TAOK3: variants seen among roughly 807,000 people sequenced by gnomAD.
TAOK3 encodes TAO kinase 3.
In TAOK3, 40 loss-of-function variants were observed where a neutral mutation model predicts 120.4. The observed-to-expected ratio is 0.33, with a 90% confidence interval of 0.26 to 0.43. The LOEUF (loss-of-function observed/expected upper bound fraction) is 0.43, where lower values mean the gene tolerates loss of function less well. Among genes scored for constraint, TAOK3 ranks in the 20% least tolerant of loss-of-function variants. The probability of loss-of-function intolerance (pLI) is 1.00; values close to 1 mark genes in which losing one functional copy is unlikely to be tolerated. For synonymous variants in TAOK3, 355 were observed against 387.5 expected (o/e 0.92, Z 0.99); for missense variants, 821 against 1,112.1 (o/e 0.74, Z 3.72).
At chr12:118,259,282 A>T (rs1370398382) in intron 2 of TAOK3, among the ~76,000 whole-genome samples, 3 of 152,192 alleles carry the variant, frequency 2.0e-5, no homozygotes, top group Admixed American at 2.0e-4. Flanking sequence ...ACGGTGACTC[A>T]TGTCTGTAAT....
chr12:118,368,514 A>C (rs2045806411), intron 1 of TAOK3, among the ~76,000 whole-genome samples: 2 of 139,528 alleles, frequency 1.4e-5, no homozygotes, highest in Non-Finnish European at 3.1e-5. Context: ...TTTTTTTTTA[A>C]CAGAAAATAG....
intron 1 of TAOK3, among the ~76,000 whole-genome samples, chr12:118,332,831 G>A (rs889963422): frequency 2.6e-5 from 4 of 152,110 alleles, no homozygotes; most frequent in African/African-American, 9.7e-5. Flanking sequence ...AGATACTCGA[G>A]TAGCTATATT....
intron 1 of TAOK3, among the ~76,000 whole-genome samples, chr12:118,353,143 T>C (rs1221453643): frequency 3.9e-5 from 6 of 152,176 alleles, no homozygotes; most frequent in Non-Finnish European, 8.8e-5. Flanking sequence ...TTCAAAATGT[T>C]TACATTAGTG....
At chr12:118,345,108 C>A (rs1338189376) in intron 1 of TAOK3, among the ~76,000 whole-genome samples, 5 of 152,142 alleles carry the variant, frequency 3.3e-5, no homozygotes, top group Non-Finnish European at 1.5e-5. Flanking sequence ...TTTCTGGAAG[C>A]AGCTTCCACT....
intron 1 of TAOK3, among the ~76,000 whole-genome samples, chr12:118,273,005 TC>T (rs1469665503): frequency 6.6e-6 from 1 of 152,052 alleles, no homozygotes; most frequent in Non-Finnish European, 1.5e-5. Flanking sequence ...CTTCTGATTT[TC>T]CATTACAGAA....
At chr12:118,301,972 CA>C (rs2042898920) in intron 1 of TAOK3, among the ~76,000 whole-genome samples, 1 of 151,996 alleles carries the variant, frequency 6.6e-6, no homozygotes, top group Non-Finnish European at 1.5e-5. Context: ...TTAACTTTTG[CA>C]GAGTTGCATT....
intron 1 of TAOK3, among the ~76,000 whole-genome samples, chr12:118,286,997 C>G (rs1339628247): frequency 1.3e-5 from 2 of 152,076 alleles, no homozygotes; most frequent in Non-Finnish European, 2.9e-5. Flanking sequence ...TGTTCTCACT[C>G]ATAAGTGGGA....
chr12:118,263,791 C>T (rs2041330263), intron 2 of TAOK3, among the ~76,000 whole-genome samples: 1 of 152,130 alleles, frequency 6.6e-6, no homozygotes. Flanking sequence ...AGAGGCCGGG[C>T]ACGGTGGCTC....
intron 2 of TAOK3, among the ~76,000 whole-genome samples, chr12:118,263,436 AATTTCTT>A (rs1457225180): frequency 6.6e-6 from 1 of 152,212 alleles, no homozygotes; most frequent in Non-Finnish European, 1.5e-5. Flanking sequence ...GTTAGTTAAA[AATTTCTT>A]AGTTAATAAC....
chr12:118,170,725 T>C (rs2138633267), intron 17 of TAOK3, among the ~76,000 whole-genome samples: 1 of 152,304 alleles, frequency 6.6e-6, no homozygotes, highest in African/African-American at 2.4e-5. Context: ...GTTGCGCCAC[T>C]GTACTCCAGC....
chr12:118,291,686 T>C (rs2042487968), intron 1 of TAOK3, among the ~76,000 whole-genome samples: 1 of 152,216 alleles, frequency 6.6e-6, no homozygotes, highest in African/African-American at 2.4e-5. Flanking sequence ...ATAATCTGTT[T>C]TAATGGACGT....
At chr12:118,196,061 A>ATAAG in intron 13 of TAOK3, among the ~76,000 whole-genome samples, 1 of 149,146 alleles carries the variant, frequency 6.7e-6, no homozygotes, top group East Asian at 2.0e-4. Context: ...AAATAAATAA[A>ATAAG]TAAATAAATA....
intron 1 of TAOK3, among the ~76,000 whole-genome samples, chr12:118,280,375 G>A (rs2042057926): frequency 6.6e-6 from 1 of 152,054 alleles, no homozygotes; most frequent in Admixed American, 6.6e-5. Context: ...TTTTGTATAT[G>A]GTGTAAAGAA....
intron 1 of TAOK3, among the ~76,000 whole-genome samples, chr12:118,319,260 C>T (rs2043599977): frequency 6.6e-6 from 1 of 151,974 alleles, no homozygotes; most frequent in South Asian, 2.1e-4. Context: ...CAAAAAACCC[C>T]TCAACAATAA....
intron 13 of TAOK3, among the ~76,000 whole-genome samples, chr12:118,197,376 C>T (rs976483313): frequency 1.3e-5 from 2 of 152,182 alleles, no homozygotes; most frequent in African/African-American, 2.4e-5. Flanking sequence ...AGTCATCACA[C>T]ATCAGGGAGA....
At chr12:118,226,043 T>A (rs11068875) in intron 9 of TAOK3, among the ~76,000 whole-genome samples, 1 of 152,278 alleles carries the variant, frequency 6.6e-6, no homozygotes, top group Non-Finnish European at 1.5e-5. Context: ...AGTTTGAGAC[T>A]AGCCTGGCCA....
intron 11 of TAOK3, among the ~76,000 whole-genome samples, chr12:118,209,471 C>G (rs913405114): frequency 1.3e-5 from 2 of 152,068 alleles, no homozygotes; most frequent in Non-Finnish European, 2.9e-5. Flanking sequence ...GGCACAATCT[C>G]GGCTCACTGC....
Position 118,340,389 on chromosome 12 carries a change from C to T in TAOK3, c.-194+32259G>A, listed in dbSNP as rs114461320. ...TCTCCCCCTTGTTTTCTTTTGACATCATGTGACAATTTTAAGAGCTCTTTT... is the reference window on the plus strand; with the variant it reads ...TCTCCCCCTTGTTTTCTTTTGACATTATGTGACAATTTTAAGAGCTCTTTT... On this transcript the variant is annotated intron_variant, in intron 1 of 20. Coordinates refer to ENST00000392533, the MANE Select transcript of TAOK3 (RefSeq NM_016281.4). Among the ~76,000 whole-genome samples the T allele has an allele frequency of 6.7e-3, 1,024 of 152,224 alleles. 14 individuals are homozygous for T. The highest frequency in any genetic ancestry group is 0.024 in the African/African-American group (983 of 41,534).
At chr12:118,214,722 C>T (rs1002442087) in intron 9 of TAOK3, among the ~76,000 whole-genome samples, 4 of 149,500 alleles carry the variant, frequency 2.7e-5, no homozygotes, top group South Asian at 2.1e-4. Flanking sequence ...TGCCTGACAT[C>T]GTGCATGGCT....
Sources: allele counts gnomAD v4.1 joint callset (sites outside exome capture counted in the v4.1 genomes callset), GRCh38; gene constraint gnomAD v4.1.1; transcripts MANE v1.5; gene names NCBI Gene and HGNC (gene_info 2026-07-23, HGNC 2026-07-21).